The following ZYG11B variants were observed in gnomAD, a reference collection of about 807,000 sequenced individuals.
ZYG11B encodes the protein protein zyg-11 homolog B.
ZYG11B carries 36 observed loss-of-function variants against 82.4 expected under a neutral mutation model. The observed-to-expected ratio is 0.44, with a 90% CI of 0.33 to 0.58. The LOEUF (loss-of-function observed/expected upper bound fraction) is 0.58, where lower values mean the gene tolerates loss of function less well. Ranked by LOEUF, ZYG11B falls within the 20% of genes least tolerant of loss-of-function variation. The pLI is 0.02. For synonymous variants in ZYG11B, 303 were observed against 312.8 expected, an observed-to-expected ratio of 0.97 and a Z score of 0.33; for missense variants, 552 against 895.6, an observed-to-expected ratio of 0.62 and a Z score of 4.90.
chr1:52,783,906 A>G (rs866571190), intron 4 of ZYG11B, among the ~76,000 whole-genome samples: 7 of 63,330 alleles, frequency 1.1e-4, no homozygotes, highest in African/African-American at 3.3e-4. Flanking sequence ...GTGTGTGTAT[A>G]TACATCTATA....
intron 1 of ZYG11B, 116 bp from the exon 2 acceptor site, chr1:52,756,342 G>C (rs1001008403): frequency 6.4e-6 from 6 of 943,710 alleles, no homozygotes; most frequent in Non-Finnish European, 8.0e-6. Flanking sequence ...TCTAGCATAT[G>C]ATAGACACTA....
At chr1:52,777,054 AC>A (rs747627929) in intron 3 of ZYG11B, among the ~76,000 whole-genome samples, 1 of 152,046 alleles carries the variant, frequency 6.6e-6, no homozygotes, top group South Asian at 2.1e-4. Context: ...TACTAAAAAT[AC>A]AAAAATTAGC....
At chr1:52,735,034 C>T (rs1208293433) in intron 1 of ZYG11B, among the ~76,000 whole-genome samples, 1 of 150,288 alleles carries the variant, frequency 6.7e-6, no homozygotes, top group Non-Finnish European at 1.5e-5. Flanking sequence ...CGGTCCAAAT[C>T]ACTTTTTTTT....
At chr1:52,741,064 G>A (rs1249052985) in intron 1 of ZYG11B, among the ~76,000 whole-genome samples, 1 of 151,682 alleles carries the variant, frequency 6.6e-6, no homozygotes, top group Non-Finnish European at 1.5e-5. Context: ...TTGGGAGGCC[G>A]AGGCGGGTGG....
At chr1:52,781,178 A>G (rs60321524) in intron 4 of ZYG11B, among the ~76,000 whole-genome samples, 10,938 of 152,156 alleles carry the variant, frequency 0.072, 639 homozygotes, top group African/African-American at 0.16. Context: ...TTTAACCACT[A>G]GAAGTCTAGG....
intron 1 of ZYG11B, among the ~76,000 whole-genome samples, chr1:52,737,336 A>G (rs1041702075): frequency 6.6e-5 from 10 of 152,060 alleles, no homozygotes; most frequent in Non-Finnish European, 1.2e-4. Flanking sequence ...TTTCTGTGGT[A>G]TTATTATTTG....
chr1:52,821,218 A>G (rs575734893), intron 13 of ZYG11B, among the ~76,000 whole-genome samples: 1 of 152,230 alleles, frequency 6.6e-6, no homozygotes, highest in African/African-American at 2.4e-5. Context: ...TTGAGGTTAG[A>G]AAAATCAAGC....
rs750289395 is a variant in ZYG11B at position 52,796,364 on chromosome 1, T to C, written c.1407T>C (p.Val469=). The C allele has an allele frequency of 6.2e-7, 1 of 1,613,910 alleles. No individual in the cohort carries two copies. Among genetic ancestry groups the C allele is most frequent in the East Asian group, 2.2e-5 (1 of 44,870 alleles). Residue 469 remains valine, a synonymous_variant, in exon 7 of 14, where the codon GTT becomes GTC. Coordinates refer to ENST00000294353, the MANE Select transcript of ZYG11B (RefSeq NM_024646.3). The part of the protein sequence containing the change: ...HEDQNMQRMA[V]AIISILAAKL... The stretch of plus-strand genomic sequence containing the variant: ...ATCAAAACATGCAAAGGATGGCAGT[T>C]GCTATCATTTCTATCCTGGCTGCCA...
At chr1:52,779,187 G>T (rs1282511646) in intron 3 of ZYG11B, among the ~76,000 whole-genome samples, 1 of 152,142 alleles carries the variant, frequency 6.6e-6, no homozygotes, top group Non-Finnish European at 1.5e-5. Flanking sequence ...TTACGGAAAG[G>T]TGAGGAAAAA....
chr1:52,727,656 A>G (rs1157143066), intron 1 of ZYG11B, among the ~76,000 whole-genome samples: 1 of 152,212 alleles, frequency 6.6e-6, no homozygotes, highest in Admixed American at 6.5e-5. Context: ...TCAGGTTGGC[A>G]GGTTGTGACA....
intron 2 of ZYG11B, among the ~76,000 whole-genome samples, chr1:52,763,648 A>G (rs1288750276): frequency 6.6e-6 from 1 of 152,092 alleles, no homozygotes; most frequent in Non-Finnish European, 1.5e-5. Context: ...AATAAATCTG[A>G]TGTTAGAGTT....
chr1:52,816,398 A>G, intron 12 of ZYG11B, 134 bp from the exon 13 acceptor site: 2 of 629,504 alleles, frequency 3.2e-6, no homozygotes, highest in South Asian at 4.2e-5. Context: ...AAGAAATGAT[A>G]TTCTATAGCT....
intron 5 of ZYG11B, among the ~76,000 whole-genome samples, chr1:52,786,028 A>G (rs968346736): frequency 3.7e-4 from 56 of 152,358 alleles, no homozygotes; most frequent in African/African-American, 1.3e-3. Flanking sequence ...AAGTCTGCCT[A>G]TGTTAGAGAA....
chr1:52,817,777 G>GTTTATATATA (rs1352242565), intron 13 of ZYG11B, among the ~76,000 whole-genome samples: 2 of 41,542 alleles, frequency 4.8e-5, no homozygotes. Context: ...ATATATATGT[G>GTTTATATATA]TATATATATA....
At chr1:52,727,781 G>T (rs962752913) in intron 1 of ZYG11B, among the ~76,000 whole-genome samples, 1 of 152,192 alleles carries the variant, frequency 6.6e-6, no homozygotes, top group East Asian at 1.9e-4. Context: ...GCTTCAGTTG[G>T]TTTTTTCATT....
chr1:52,771,804 A>C lies in ZYG11B; in HGVS notation c.951+30A>C. On this transcript the variant is annotated intron_variant, in intron 3 of 13. Transcript: ENST00000294353. The surrounding 1 kb of genome is among the most constrained non-coding windows in gnomAD (Gnocchi z 5.4). ...GACTTTAAAAATGTATTATTTTGTC[A>C]GGCTGACCAATATCTTAGTTGCATA... 1 of 1,576,712 alleles carries C rather than the reference A, an allele frequency of 6.3e-7. No individual in the cohort carries two copies. The highest frequency in any genetic ancestry group is 8.6e-7 in the Non-Finnish European group (1 of 1,162,902).
intron 1 of ZYG11B, among the ~76,000 whole-genome samples, chr1:52,749,689 C>T (rs1233519954): frequency 4.0e-5 from 6 of 151,776 alleles, no homozygotes; most frequent in South Asian, 2.1e-4. Flanking sequence ...CCGCAACCTC[C>T]GCCTCCCGGG....
At position 52,789,990 on chromosome 1, in the gene ZYG11B, T is replaced by G. The variant is rs767434336; in HGVS notation, c.1270-13T>G. 94 of 1,566,634 alleles carry G rather than the reference T, an allele frequency of 6.0e-5. No homozygotes were observed. Among genetic ancestry groups the G allele is most frequent in the Non-Finnish European group, 7.8e-5 (90 of 1,152,656 alleles). Reference sequence around the variant, plus strand: ...ATTTTATTTAGGATTTTTTTCTTCCTTTGATTCTTTAGTTACAGAAGAATT... The same window carrying G: ...ATTTTATTTAGGATTTTTTTCTTCCGTTGATTCTTTAGTTACAGAAGAATT... On this transcript the variant is annotated splice_polypyrimidine_tract_variant and intron_variant, in intron 5 of 13. Coordinates refer to ENST00000294353, the MANE Select transcript of ZYG11B (RefSeq NM_024646.3).
intron 13 of ZYG11B, among the ~76,000 whole-genome samples, chr1:52,817,775 GTGTATATATATATATATA>G (rs1482604078): frequency 0.04 from 1,296 of 32,540 alleles, 102 homozygotes; most frequent in African/African-American, 0.079. Flanking sequence ...GTATATATAT[GTGTATATATATATATATA>G]TATATATATA....
Sources: allele counts gnomAD v4.1 joint callset (sites outside exome capture counted in the v4.1 genomes callset), GRCh38; gene constraint gnomAD v4.1.1; non-coding constraint Gnocchi (gnomAD v3.1); transcripts MANE v1.5; gene names NCBI Gene and HGNC (gene_info 2026-07-23, HGNC 2026-07-21).